Variants in PCDHA7 observed in about 807,000 individuals in gnomAD.
PCDHA7 encodes the protein protocadherin alpha 7.
PCDHA7 carries 37 observed loss-of-function variants against 57.2 expected under a neutral mutation model. The observed-to-expected ratio is 0.65, with a 90% CI of 0.50 to 0.85. The LOEUF (loss-of-function observed/expected upper bound fraction) is 0.85. PCDHA7 is among the 40% of genes least tolerant of loss of function. PCDHA7 has a pLI of 0.00. For synonymous variants in PCDHA7, 553 were observed against 558.8 expected, an observed-to-expected ratio of 0.99 and a Z score of 0.15; for missense variants, 1,188 against 1,241.8, an observed-to-expected ratio of 0.96 and a Z score of 0.65.
rs116377419 is a variant in PCDHA7, at chr5:140,884,621, G to A, written c.2355+47883G>A. On this transcript the variant is annotated intron_variant, in intron 1 of 3. Coordinates refer to ENST00000525929, the MANE Select transcript of PCDHA7 (RefSeq NM_018910.3). ...TCCTCCTTGTCTGGGTTCTGCAGAG[G>A]GAACAGGCCAGAGGGAGGAGGACTC... 8.0e-4 allele frequency: 1,287 copies of A among 1,613,996 alleles called. 6 individuals carry two copies. The African/African-American group carries it at 0.016, about 20-fold the overall frequency.
chr5:140,968,859 C>T, intron 1 of PCDHA7: 1 of 1,614,184 alleles, frequency 6.2e-7, no homozygotes, highest in Non-Finnish European at 8.5e-7. Context: ...GTTAAGAGCC[C>T]TCGGACATAC....
intron 1 of PCDHA7, among the ~76,000 whole-genome samples, chr5:140,890,337 A>G (rs1256335004): frequency 3.3e-5 from 5 of 152,192 alleles, no homozygotes; most frequent in African/African-American, 1.2e-4. Flanking sequence ...GGTAGTTGGG[A>G]TGGTTTACTA....
In PCDHA7 at chr5:140,849,498, A is replaced by T. The variant is rs1347480492; in HGVS notation, c.2355+12760A>T. On this transcript the variant is annotated intron_variant, in intron 1 of 3. Transcript: ENST00000525929. Reference sequence around the variant, plus strand: ...CTTCCCACCCCTGGCTGGTCATTGTACACTTCTTGTGGAAGTTGTGGATGT... The same window carrying T: ...CTTCCCACCCCTGGCTGGTCATTGTTCACTTCTTGTGGAAGTTGTGGATGT... 6.9e-6 allele frequency: 11 copies of T among 1,593,514 alleles called. 1 individual carries two copies. The highest frequency in any genetic ancestry group is 9.4e-6 in the Non-Finnish European group (11 of 1,165,148).
At chr5:140,843,404 G>C (rs2150359308) in intron 1 of PCDHA7, 2 of 1,596,130 alleles carry the variant, frequency 1.3e-6, no homozygotes, top group Admixed American at 3.4e-5. Context: ...GGCGCTGGTG[G>C]ATGTCAACGT....
intron 1 of PCDHA7, chr5:140,871,394 C>G (rs782179742): frequency 6.2e-7 from 1 of 1,614,042 alleles, no homozygotes; most frequent in Admixed American, 1.7e-5. Context: ...GAGGGCCCAC[C>G]TAAGACGGAC....
intron 1 of PCDHA7, chr5:140,967,149 C>A (rs781864120): frequency 1.3e-5 from 21 of 1,610,890 alleles, no homozygotes; most frequent in Non-Finnish European, 1.7e-5. Flanking sequence ...GCGCACAACC[C>A]CGTGGCGGTG....
chr5:140,918,153 C>A (rs1554198452), intron 1 of PCDHA7, among the ~76,000 whole-genome samples: 2 of 152,036 alleles, frequency 1.3e-5, no homozygotes, highest in African/African-American at 2.4e-5. Flanking sequence ...TTGTGTATGT[C>A]TATTGTAAAT....
intron 1 of PCDHA7, chr5:140,927,691 G>C (rs782046420): frequency 6.2e-7 from 1 of 1,614,072 alleles, no homozygotes; most frequent in African/African-American, 1.3e-5. Flanking sequence ...GTCCAATGGG[G>C]AAGTCCAGTA....
rs1554229126 is a variant in PCDHA7 at position 140,967,062 on chromosome 5, T to C, written c.2356-11887T>C. 3 of 1,612,916 alleles carry C rather than the reference T, an allele frequency of 1.9e-6. No individual in the cohort carries two copies. In the Admixed American group the frequency reaches 5.0e-5, roughly 27 times the overall value. ...GAGCTGGACCTGACGAGTGGAGCGC[T>C]CTTCGTCAACGAGCGCATTGATCGG... On this transcript the variant is annotated intron_variant, in intron 1 of 3. Transcript: ENST00000525929.
rs565071573 is a variant in PCDHA7, at chr5:141,009,664, G to C, written c.2541G>C (p.Ala847=). 1.7e-4 allele frequency: 273 copies of C among 1,613,982 alleles called. 2 individuals are homozygous for C. In the South Asian group the frequency reaches 2.8e-3, roughly 17 times the overall value. ...GAGAAGTGTCCCCTCCAGTCGGTGC[G>C]GGTGTCAACAGCAACAGCTGGACCT... ...EAGEVSPPVG[A]GVNSNSWTFK... The change falls in exon 4 of 4, where the codon GCG becomes GCC. Residue 847 remains alanine, a synonymous_variant. Transcript: ENST00000525929.
At chr5:140,968,455 G>C in intron 1 of PCDHA7, 2 of 1,614,084 alleles carry the variant, frequency 1.2e-6, no homozygotes, top group Non-Finnish European at 1.7e-6. Context: ...GCAGCACTGT[G>C]ACTGCCAACG....
At chr5:140,948,903 CTTAGGTAACTGA>C (rs1213410342) in intron 1 of PCDHA7, among the ~76,000 whole-genome samples, 1 of 151,196 alleles carries the variant, frequency 6.6e-6, no homozygotes, top group Non-Finnish European at 1.5e-5. Context: ...TAAGTGGATT[CTTAGGTAACTGA>C]TTAGGTAACT....
chr5:140,954,824 C>A (rs1167171102), intron 1 of PCDHA7, among the ~76,000 whole-genome samples: 1 of 152,068 alleles, frequency 6.6e-6, no homozygotes, highest in Admixed American at 6.6e-5. Flanking sequence ...GCTTTAGGCA[C>A]TTTTGTCATG....
intron 1 of PCDHA7, chr5:140,968,616 A>G (rs782318101): frequency 6.2e-7 from 1 of 1,614,154 alleles, no homozygotes; most frequent in Admixed American, 1.7e-5. Flanking sequence ...TCTGGGCAAA[A>G]TGCTTGGCTT....
In PCDHA7 at chr5:140,836,450, A is replaced by G. The variant is rs2150261212; in HGVS notation, c.2067A>G (p.Pro689=). ...GGGCATCGTTGGGCATTGCAGGCCC[A>G]GAGACCGAGCTGGTGGATGTCAACG... ...SSRASLGIAG[P]ETELVDVNVY... is the part of the protein sequence containing the mutation. Residue 689 remains proline (P), a synonymous_variant, in exon 1 of 4, where the codon CCA becomes CCG. Transcript: ENST00000525929. 70 of 1,613,750 alleles carry G rather than the reference A, an allele frequency of 4.3e-5. 1 individual carries two copies. The African/African-American group carries it at 8.4e-4, about 19-fold the overall frequency.
chr5:140,858,275 G>C (rs2045316714), intron 1 of PCDHA7: 2 of 1,597,458 alleles, frequency 1.3e-6, no homozygotes, highest in African/African-American at 1.3e-5. Context: ...CTCTAGCGCG[G>C]TGGGGAGCTG....
chr5:140,958,672 A>G (rs1554223601), intron 1 of PCDHA7, among the ~76,000 whole-genome samples: 1 of 152,218 alleles, frequency 6.6e-6, no homozygotes, highest in African/African-American at 2.4e-5. Context: ...AATTTTAATT[A>G]TAAAGGATAT....
At chr5:140,944,608 G>T (rs2093673405) in intron 1 of PCDHA7, among the ~76,000 whole-genome samples, 1 of 152,176 alleles carries the variant, frequency 6.6e-6, no homozygotes, top group Non-Finnish European at 1.5e-5. Context: ...AGAGTAGTGT[G>T]CTGTAGAAGT....
At chr5:140,926,771 A>G in intron 1 of PCDHA7, 3 of 1,372,492 alleles carry the variant, frequency 2.2e-6, no homozygotes, top group Admixed American at 3.2e-5. Context: ...TCCAGCCCGC[A>G]GCAGTGACGG....
Sources: gnomAD v4.1 joint callset for allele counts (sites outside exome capture counted in the v4.1 genomes callset) on GRCh38, gnomAD v4.1.1 for gene constraint, MANE v1.5 for transcripts, NCBI Gene and HGNC (gene_info 2026-07-23, HGNC 2026-07-21) for gene names.